The following SCD variants were observed in gnomAD, a reference collection of about 807,000 sequenced individuals.
The protein encoded by SCD is acyl-CoA desaturase.
SCD carries 4 observed loss-of-function variants against 35.7 expected under a neutral mutation model. That is an observed-to-expected ratio of 0.11 (90% CI 0.06 to 0.26). SCD has a LOEUF of 0.26. SCD is among the 10% of genes least tolerant of loss of function. The probability of loss-of-function intolerance (pLI) is 1.00; values close to 1 mark genes in which losing one functional copy is unlikely to be tolerated. For synonymous variants in SCD, 150 were observed against 170.2 expected (o/e 0.88, Z 0.92); for missense variants, 282 against 460.7 (o/e 0.61, Z 3.55).
At chr10:100,353,007 TAACTTA>T (rs1849887489) in intron 3 of SCD, among the ~76,000 whole-genome samples, 3 of 152,046 alleles carry the variant, frequency 2.0e-5, no homozygotes, top group South Asian at 2.1e-4. Context: ...CAAAAGTGAA[TAACTTA>T]GGACTCCACC....
chr10:100,353,634 G>T (rs1849895195), intron 3 of SCD, among the ~76,000 whole-genome samples: 1 of 151,866 alleles, frequency 6.6e-6, no homozygotes, highest in South Asian at 2.1e-4. Context: ...GGGAAATGGG[G>T]AAAGGGAATG....
intron 2 of SCD, among the ~76,000 whole-genome samples, chr10:100,348,928 C>G (rs961242161): frequency 1.3e-5 from 2 of 152,216 alleles, no homozygotes; most frequent in African/African-American, 4.8e-5. Flanking sequence ...CCGTGCAACC[C>G]AAGTCACACA....
Position 100,352,811 on chromosome 10 carries a change from G to A in SCD, c.441+315G>A, listed in dbSNP as rs1351201785. The stretch of plus-strand genomic sequence containing the variant: ...CATCATAAGGGGCTTTGGCACATAA[G>A]CCAGAGACTGACCTTAGATTCCTGG... On this transcript the variant is annotated intron_variant, in intron 3 of 5. Coordinates refer to ENST00000370355, the MANE Select transcript of SCD (RefSeq NM_005063.5). The surrounding 1 kb of genome is among the most constrained non-coding windows in gnomAD (Gnocchi z 4.2). Among the ~76,000 whole-genome samples the A allele has an allele frequency of 6.6e-6, 1 of 152,170 alleles. No homozygotes were observed. Among genetic ancestry groups the A allele is most frequent in the African/African-American group, 2.4e-5 (1 of 41,422 alleles).
rs199961605 is a variant in SCD at position 100,364,118 on chromosome 10, T to G, written c.*3185T>G. 1 of 91,338 alleles carries G rather than the reference T, an allele frequency of 1.1e-5. No homozygotes were observed. Among genetic ancestry groups the G allele is most frequent in the East Asian group, 4.4e-4 (1 of 2,272 alleles). 5.7% of individuals were successfully genotyped at this position (91,338 alleles called of 1,614,324 possible). A position where few individuals can be genotyped will look rare whatever the true frequency, so the allele number is the denominator to read the frequency against. ...AATTTGAATGTATTTGATTTATAAG[T>G]TTTTTTTTTTTTTTTGGGTTAAAAG... On this transcript the variant is annotated 3_prime_UTR_variant, in exon 6 of 6. Transcript: ENST00000370355.
chr10:100,353,342 T>C (rs1232627740), intron 3 of SCD, among the ~76,000 whole-genome samples: 2 of 151,982 alleles, frequency 1.3e-5, no homozygotes, highest in East Asian at 1.9e-4. Flanking sequence ...TCTCAGAACT[T>C]TGGGAGGCCG....
chr10:100,358,747 TAAAAAAAAA>T (rs11381871), intron 5 of SCD, among the ~76,000 whole-genome samples: 3 of 112,902 alleles, frequency 2.7e-5, no homozygotes, highest in Non-Finnish European at 5.3e-5. Context: ...TGTCTCTACT[TAAAAAAAAA>T]AAAAAAAAAA....
At position 100,356,860 on chromosome 10, in the gene SCD, G is replaced by T. The variant is rs944416308; in HGVS notation, c.880+96G>T. 4.1e-6 allele frequency: 4 copies of T among 974,884 alleles called. No individual in the cohort carries two copies. In the South Asian group the frequency reaches 6.1e-5, roughly 15 times the overall value. 60.4% of individuals were successfully genotyped at this position (974,884 alleles called of 1,614,324 possible). On this transcript the variant is annotated intron_variant, in intron 5 of 5. Transcript: ENST00000370355. This position sits in a 1 kb window ranked among gnomAD's most constrained non-coding sequence, Gnocchi z 4.1. ...AAACTAGATAAATCTGTTTTTTATG[G>T]CTACTTTGTATCTCAGTTTTTCCAC...
At chr10:100,353,066 ATTTT>A (rs1190972117) in intron 3 of SCD, among the ~76,000 whole-genome samples, 1 of 152,188 alleles carries the variant, frequency 6.6e-6, no homozygotes, top group African/African-American at 2.4e-5. Flanking sequence ...GTGAACTCTT[ATTTT>A]GAGATAATGA....
chr10:100,347,476 GA>G lies in SCD; in HGVS notation c.-26del. 1 of 1,613,462 alleles carries G rather than the reference GA, an allele frequency of 6.2e-7. No homozygotes were observed. The highest frequency in any genetic ancestry group is 8.5e-7 in the Non-Finnish European group (1 of 1,179,836). On this transcript the variant is annotated 5_prime_UTR_variant, in exon 1 of 6. Transcript: ENST00000370355. ...TCCGCTCCGGAGCCTCAGCCCCCTG[GA>G]AAGTGATCCCGGCATCCGAGAGCCA...
In SCD at chr10:100,348,210, C is replaced by G; in HGVS notation, c.174C>G (p.Thr58=). ...PDIKDDIYDP[T]YKDKEGPSPK... ...TAAAAGATGATATATATGACCCCAC[C>G]TACAAGGATAAGGAAGGCCCAAGCC... The change falls in exon 2 of 6, where the codon ACC becomes ACG. Residue 58 remains threonine, a synonymous_variant. Transcript: ENST00000370355. 6.2e-7 allele frequency: 1 copy of G among 1,614,130 alleles called. No homozygotes were observed. The highest frequency in any genetic ancestry group is 8.5e-7 in the Non-Finnish European group (1 of 1,180,030).
At chr10:100,355,220 A>G (rs983183771) in intron 4 of SCD, among the ~76,000 whole-genome samples, 3 of 152,240 alleles carry the variant, frequency 2.0e-5, no homozygotes, top group African/African-American at 7.2e-5. Flanking sequence ...TAACCATGGC[A>G]TAAGGCAGAA....
intron 2 of SCD, among the ~76,000 whole-genome samples, chr10:100,349,599 G>A (rs572441351): frequency 6.6e-6 from 1 of 152,320 alleles, no homozygotes; most frequent in South Asian, 2.1e-4. Flanking sequence ...CAACTGAGAA[G>A]AGCCCCTTTG....
Position 100,347,563 on chromosome 10 carries a change from G to A in SCD, c.27+32G>A, listed in dbSNP as rs758837354. On this transcript the variant is annotated intron_variant, in intron 1 of 5. Coordinates refer to ENST00000370355, the MANE Select transcript of SCD (RefSeq NM_005063.5). ...TTCCCAGCCTGGCCCCGTACCGCCG[G>A]GTCGCAGGCGCGGGCTGGGCTTCCA... 10 of 1,612,828 alleles carry A rather than the reference G, an allele frequency of 6.2e-6. No individual in the cohort carries two copies. In the South Asian group the frequency reaches 1.1e-4, roughly 18 times the overall value.
Position 100,358,747 on chromosome 10 carries a change from TA to T in SCD, c.881-1967del, listed in dbSNP as rs11381871. On this transcript the variant is annotated intron_variant, in intron 5 of 5. Transcript: ENST00000370355. ...AATATGGTGAACCTCTGTCTCTACT[TA>T]AAAAAAAAAAAAAAAAAAAGTACAA... Among the ~76,000 whole-genome samples the T allele has an allele frequency of 4.5e-3, 511 of 112,888 alleles. 3 individuals are homozygous for T. The highest frequency in any genetic ancestry group is 0.012 in the African/African-American group (334 of 28,676). 74.1% of individuals were successfully genotyped at this position (112,888 alleles called of 152,430 possible).
intron 5 of SCD, among the ~76,000 whole-genome samples, chr10:100,358,458 G>A (rs1849952438): frequency 2.0e-5 from 3 of 151,758 alleles, no homozygotes; most frequent in Admixed American, 2.0e-4. Flanking sequence ...CAGGCGCAGT[G>A]GCGGGCGCCT....
Position 100,361,180 on chromosome 10 carries a change from T to C in SCD, c.*247T>C. 2.0e-6 allele frequency: 1 copy of C among 492,372 alleles called. No individual in the cohort carries two copies. Among genetic ancestry groups the C allele is most frequent in the Non-Finnish European group, 3.6e-6 (1 of 275,664 alleles). The allele number at this position is 492,372 out of a possible 1,614,324, so 30.5% of individuals were successfully genotyped here. ...GCCCATTGTCCTCCTTTTCACTTTA[T>C]TGCTATCGCCCTCCTTTCCCTTATT... On this transcript the variant is annotated 3_prime_UTR_variant, in exon 6 of 6. Transcript: ENST00000370355.
rs202132877 is a variant in SCD, at chr10:100,362,023, A to G, written c.*1090A>G. 1 of 152,330 alleles carries G rather than the reference A, an allele frequency of 6.6e-6. No individual in the cohort carries two copies. Among genetic ancestry groups the G allele is most frequent in the Admixed American group, 6.5e-5 (1 of 15,300 alleles). 9.4% of individuals were successfully genotyped at this position (152,330 alleles called of 1,614,324 possible). On this transcript the variant is annotated 3_prime_UTR_variant, in exon 6 of 6. Coordinates refer to ENST00000370355, the MANE Select transcript of SCD (RefSeq NM_005063.5). ...GGTCAAAAATAAAATATATATACAT[A>G]TATACATTGCTTAGAACGTTAAACT...
rs1554834961 is a variant in SCD at position 100,364,117 on chromosome 10, G to GGTT, written c.*3184_*3185insGTT. On this transcript the variant is annotated 3_prime_UTR_variant, in exon 6 of 6. Coordinates refer to ENST00000370355, the MANE Select transcript of SCD (RefSeq NM_005063.5). ...TAATTTGAATGTATTTGATTTATAA[G>GGTT]TTTTTTTTTTTTTTTTGGGTTAAAA... 1.4e-5 allele frequency: 2 copies of GGTT among 139,172 alleles called. No individual in the cohort carries two copies. The highest frequency in any genetic ancestry group is 5.2e-5 in the African/African-American group (2 of 38,520). The allele number at this position is 139,172 out of a possible 1,614,324, so 8.6% of individuals were successfully genotyped here.
At position 100,360,814 on chromosome 10, in the gene SCD, A is replaced by G. The variant is rs1849982808; in HGVS notation, c.961A>G (p.Thr321Ala). ...SEYRWHINFT[T>A]FFIDCMAALG... Reference sequence around the variant, plus strand: ...GTACCGCTGGCACATCAACTTCACCACATTCTTCATTGATTGCATGGCCGC... The same window carrying G: ...GTACCGCTGGCACATCAACTTCACCGCATTCTTCATTGATTGCATGGCCGC... The change falls in exon 6 of 6, where the codon ACA becomes GCA. Residue 321 changes from threonine to alanine, a missense_variant. Physicochemically the swap from Thr to Ala is moderately conservative, Grantham distance 58 (BLOSUM62 0). Around this residue, in one of 2 missense-constraint regions of SCD, gnomAD observed 205 missense variants for 372.3 expected, o/e 0.55. Coordinates refer to ENST00000370355, the MANE Select transcript of SCD (RefSeq NM_005063.5). 1.2e-6 allele frequency: 2 copies of G among 1,613,790 alleles called. No individual in the cohort carries two copies. The highest frequency in any genetic ancestry group is 1.7e-6 in the Non-Finnish European group (2 of 1,179,840).
Sources: gnomAD v4.1 joint callset for allele counts (sites outside exome capture counted in the v4.1 genomes callset) on GRCh38, gnomAD v4.1.1 for gene constraint, gnomAD v4.1.1 regional missense constraint, Gnocchi (gnomAD v3.1) non-coding constraint, MANE v1.5 for transcripts, NCBI Gene and HGNC (gene_info 2026-07-23, HGNC 2026-07-21) for gene names.